The following QRICH1 variants were observed in gnomAD, a reference collection of about 807,000 sequenced individuals.
QRICH1 encodes the protein transcriptional regulator QRICH1.
Under a neutral mutation model 87.1 loss-of-function variants are expected in QRICH1, and 16 were observed. The ratio of observed to expected loss-of-function variants is 0.18; its 90% confidence interval spans 0.12 to 0.28. QRICH1 has a LOEUF of 0.28. Ranked by LOEUF, QRICH1 falls within the 10% of genes least tolerant of loss-of-function variation. The pLI, the probability that QRICH1 is intolerant of heterozygous loss-of-function variation, is 1.00. For missense variants in QRICH1, 647 were observed against 951.7 expected (o/e 0.68, Z 4.21); for synonymous variants, 367 against 368.4 (o/e 1.00, Z 0.05).
intron 1 of QRICH1, among the ~76,000 whole-genome samples, chr3:49,089,968 C>G (rs1173420729): frequency 6.6e-6 from 1 of 152,172 alleles, no homozygotes; most frequent in Non-Finnish European, 1.5e-5. Context: ...TTAAATTGTA[C>G]AGAGATCGCC....
At chr3:49,043,765 G>A (rs1026908354) in intron 6 of QRICH1, among the ~76,000 whole-genome samples, 2 of 152,040 alleles carry the variant, frequency 1.3e-5, no homozygotes, top group African/African-American at 2.4e-5. Context: ...CCTGGGAGGC[G>A]GAGGCTGCAG....
chr3:49,056,985 C>A lies in QRICH1; in HGVS notation c.1215G>T (p.Thr405=), dbSNP rs574247130. ...GGACAGTTTGAGCCGTATTCTGGTA[C>A]GTGCCTGCCACAGCCTGCACAGCCA... is the stretch of plus-strand genomic sequence containing the variant. The part of the protein sequence containing the change: ...IPVAVQAVAG[T]YQNTAQTVHI... Residue 405 remains threonine (T), a synonymous_variant, in exon 3 of 10, where the codon ACG becomes ACT. Coordinates refer to ENST00000395443, the MANE Select transcript of QRICH1 (RefSeq NM_198880.3). 1 of 1,614,148 alleles carries A rather than the reference C, an allele frequency of 6.2e-7. No individual in the cohort carries two copies. The highest frequency in any genetic ancestry group is 1.1e-5 in the South Asian group (1 of 91,084).
At chr3:49,082,473 A>C (rs1187899692) in intron 1 of QRICH1, among the ~76,000 whole-genome samples, 1 of 152,144 alleles carries the variant, frequency 6.6e-6, no homozygotes, top group East Asian at 1.9e-4. Flanking sequence ...TCTAGTCCAA[A>C]TATACATTTA....
chr3:49,079,838 G>A (rs1392939217), intron 1 of QRICH1, among the ~76,000 whole-genome samples: 2 of 152,140 alleles, frequency 1.3e-5, no homozygotes, highest in African/African-American at 2.4e-5. Flanking sequence ...AGACCAGCCT[G>A]GCCAACAAGG....
chr3:49,044,882 G>T (rs959972314), intron 5 of QRICH1, among the ~76,000 whole-genome samples: 6 of 152,082 alleles, frequency 3.9e-5, no homozygotes, highest in African/African-American at 1.4e-4. Flanking sequence ...GGAGATGATG[G>T]TATCTGCCTT....
Position 49,077,038 on chromosome 3 carries a change from C to T in QRICH1, c.-21G>A. On this transcript the variant is annotated splice_region_variant and 5_prime_UTR_variant, in exon 2 of 10. Transcript: ENST00000395443. ...TTCATATTGCAGAGTCCTTAGGGTT[C>T]CTAGAAATAAACAGAAGTCAAAATT... The T allele has an allele frequency of 7.3e-7, 1 of 1,364,806 alleles. No homozygotes were observed. The highest frequency in any genetic ancestry group is 9.7e-7 in the Non-Finnish European group (1 of 1,035,784). 84.5% of individuals were successfully genotyped at this position (1,364,806 alleles called of 1,614,324 possible). A position where few individuals can be genotyped will look rare whatever the true frequency, so the allele number is the denominator to read the frequency against.
chr3:49,093,893 C>A lies in QRICH1; in HGVS notation c.-22+19G>T. On this transcript the variant is annotated intron_variant, in intron 1 of 9. Coordinates refer to ENST00000395443, the MANE Select transcript of QRICH1 (RefSeq NM_198880.3). ...GGCCTACAGCTTCGCCGCATCCCCACCCGCACTGGAGCCCTCACCCGGCGA... is the reference window on the plus strand; with the variant it reads ...GGCCTACAGCTTCGCCGCATCCCCAACCGCACTGGAGCCCTCACCCGGCGA... The A allele has an allele frequency of 2.6e-6, 1 of 387,708 alleles. No homozygotes were observed. The highest frequency in any genetic ancestry group is 4.6e-6 in the Non-Finnish European group (1 of 219,768). 24.0% of individuals were successfully genotyped at this position (387,708 alleles called of 1,614,324 possible). A position where few individuals can be genotyped will look rare whatever the true frequency, so the allele number is the denominator to read the frequency against.
chr3:49,068,715 G>A (rs543309273), intron 2 of QRICH1, among the ~76,000 whole-genome samples: 52 of 151,050 alleles, frequency 3.4e-4, no homozygotes, highest in African/African-American at 1.2e-3. Context: ...TGCAACCTCC[G>A]CTTCCTGGGC....
Position 49,030,315 on chromosome 3 carries a change from T to A in QRICH1, c.*137A>T. 1.2e-6 allele frequency: 1 copy of A among 830,938 alleles called. No individual in the cohort carries two copies. The highest frequency in any genetic ancestry group is 2.9e-5 in the East Asian group (1 of 34,498). The allele number at this position is 830,938 out of a possible 1,614,324, so 51.5% of individuals were successfully genotyped here. On this transcript the variant is annotated 3_prime_UTR_variant, in exon 10 of 10. Transcript: ENST00000395443. ...AGGGGGCAAAGTTTTCTTTTATATT[T>A]TAAACAGAAGCAGCCTGAAAGGCTT...
At chr3:49,040,652 T>C (rs986026248) in intron 6 of QRICH1, among the ~76,000 whole-genome samples, 6 of 152,208 alleles carry the variant, frequency 3.9e-5, no homozygotes, top group African/African-American at 1.4e-4. Context: ...AGCATACATT[T>C]TAATAAATGT....
intron 6 of QRICH1, among the ~76,000 whole-genome samples, chr3:49,036,599 CTT>C (rs1339617161): frequency 2.0e-5 from 3 of 151,580 alleles, no homozygotes; most frequent in Non-Finnish European, 2.9e-5. Context: ...CACAATGACT[CTT>C]AAAACAAGAA....
intron 3 of QRICH1, among the ~76,000 whole-genome samples, chr3:49,049,740 C>T (rs1226202627): frequency 1.3e-5 from 2 of 151,430 alleles, no homozygotes; most frequent in Non-Finnish European, 2.9e-5. Context: ...TCAGGTGATC[C>T]GTCTGCCTTG....
intron 2 of QRICH1, among the ~76,000 whole-genome samples, chr3:49,063,842 G>C (rs896119623): frequency 3.3e-5 from 5 of 152,196 alleles, no homozygotes; most frequent in African/African-American, 1.2e-4. Context: ...AAAAGAACTT[G>C]TTTACATAGG....
In QRICH1 at chr3:49,032,104, A is replaced by C. The variant is rs564887398; in HGVS notation, c.2138+79T>G. Reference sequence around the variant, plus strand: ...CTAGAGAATGCCTCTCCCCTATGATAAGTGATCACACAAGTGAGCATGCAC... The same window carrying C: ...CTAGAGAATGCCTCTCCCCTATGATCAGTGATCACACAAGTGAGCATGCAC... On this transcript the variant is annotated intron_variant, in intron 9 of 9. Transcript: ENST00000395443. The C allele has an allele frequency of 6.0e-6, 7 of 1,168,304 alleles. No homozygotes were observed. The Admixed American group carries it at 1.1e-4, about 18-fold the overall frequency. 72.4% of individuals were successfully genotyped at this position (1,168,304 alleles called of 1,614,324 possible).
chr3:49,045,859 G>C (rs1461681886), intron 5 of QRICH1, among the ~76,000 whole-genome samples: 1 of 151,972 alleles, frequency 6.6e-6, no homozygotes, highest in Admixed American at 6.6e-5. Flanking sequence ...CTCCCAAAGT[G>C]CTGGGATTAC....
At chr3:49,066,919 T>A (rs1021734152) in intron 2 of QRICH1, among the ~76,000 whole-genome samples, 15 of 151,614 alleles carry the variant, frequency 9.9e-5, no homozygotes, top group Admixed American at 5.9e-4. Context: ...GCACCTGTAA[T>A]CCCAGCGACT....
upstream of QRICH1, chr3:49,094,081 T>C: frequency 5.0e-6 from 2 of 398,626 alleles, no homozygotes; most frequent in Non-Finnish European, 8.8e-6. Flanking sequence ...TAGGAGCCGA[T>C]TGCTCCTCTC....
intron 2 of QRICH1, among the ~76,000 whole-genome samples, chr3:49,058,960 T>C: frequency 6.8e-6 from 1 of 146,146 alleles, no homozygotes; most frequent in South Asian, 2.2e-4. Context: ...GGAGTTTCAC[T>C]CTTTTTTTTT....
intron 6 of QRICH1, among the ~76,000 whole-genome samples, chr3:49,036,893 T>C (rs1297895262): frequency 1.3e-5 from 2 of 151,358 alleles, no homozygotes; most frequent in East Asian, 3.9e-4. Context: ...CAAAACCCCA[T>C]CTCTACAAAA....
Sources: gnomAD v4.1 joint callset for allele counts (sites outside exome capture counted in the v4.1 genomes callset) on GRCh38, gnomAD v4.1.1 for gene constraint, MANE v1.5 for transcripts, NCBI Gene and HGNC (gene_info 2026-07-23, HGNC 2026-07-21) for gene names.